The following ST8SIA2 variants were observed in gnomAD, a reference collection of about 807,000 sequenced individuals.
ST8SIA2 encodes alpha-2,8-sialyltransferase 8B.
A neutral mutation model predicts 37.6 loss-of-function variants in ST8SIA2; 22 were observed. That is an observed-to-expected ratio of 0.58 (90% CI 0.42 to 0.83). The LOEUF is 0.83. Among genes scored for constraint, ST8SIA2 ranks in the 40% least tolerant of loss-of-function variants. The pLI is 0.00. For synonymous variants in ST8SIA2, 205 were observed against 201.2 expected (o/e 1.02, Z -0.16); for missense variants, 382 against 484.7 (o/e 0.79, Z 1.99).
chr15:92,463,918 C>T (rs1555454360), intron 5 of ST8SIA2, among the ~76,000 whole-genome samples, 182 bp from the exon 6 acceptor site: 1 of 151,982 alleles, frequency 6.6e-6, no homozygotes, highest in Non-Finnish European at 1.5e-5. Context: ...GGCTAAGGAG[C>T]AGTTCAGTTG....
At chr15:92,398,486 T>C (rs1050726985) in intron 1 of ST8SIA2, among the ~76,000 whole-genome samples, 2 of 152,248 alleles carry the variant, frequency 1.3e-5, no homozygotes, top group African/African-American at 4.8e-5. Flanking sequence ...TACTGAGTGC[T>C]TCCTAAGAGC....
chr15:92,405,077 T>C (rs1450353503), intron 1 of ST8SIA2, among the ~76,000 whole-genome samples: 1 of 148,608 alleles, frequency 6.7e-6, no homozygotes, highest in Non-Finnish European at 1.5e-5. Flanking sequence ...CTGGGCAATA[T>C]AGCAAGACCC....
chr15:92,424,346 C>A (rs2049658857), intron 1 of ST8SIA2, among the ~76,000 whole-genome samples: 1 of 151,880 alleles, frequency 6.6e-6, no homozygotes, highest in African/African-American at 2.4e-5. Context: ...TCATGATGTA[C>A]CCCATAAATA....
At chr15:92,459,413 CTG>C (rs1357649166) in intron 5 of ST8SIA2, among the ~76,000 whole-genome samples, 1 of 152,156 alleles carries the variant, frequency 6.6e-6, no homozygotes, top group Non-Finnish European at 1.5e-5. Flanking sequence ...CCTCAGATGC[CTG>C]TGTTTTATCC....
rs11399611 is a variant in ST8SIA2 at position 92,464,095 on chromosome 15, T to TC, written c.843-3dup. On this transcript the variant is annotated splice_polypyrimidine_tract_variant and splice_region_variant and intron_variant, in intron 5 of 5. Transcript: ENST00000268164. Reference sequence around the variant, plus strand: ...TTCTTTTTTTTTTTTTTTTTTTTTTTCCAGATACTGGCTGACCAACAAAGT... The same window carrying TC: ...TTCTTTTTTTTTTTTTTTTTTTTTTTCCCAGATACTGGCTGACCAACAAAGT... The TC allele has an allele frequency of 3.3e-6, 5 of 1,516,886 alleles. No individual in the cohort carries two copies. The highest frequency in any genetic ancestry group is 1.4e-5 in the African/African-American group (1 of 69,358). 94.0% of individuals were successfully genotyped at this position (1,516,886 alleles called of 1,614,324 possible).
intron 1 of ST8SIA2, among the ~76,000 whole-genome samples, chr15:92,415,824 A>G (rs1271878508): frequency 1.3e-5 from 2 of 152,158 alleles, no homozygotes; most frequent in African/African-American, 4.8e-5. Flanking sequence ...GAAAAATAGA[A>G]CAAGGGATTC....
intron 1 of ST8SIA2, among the ~76,000 whole-genome samples, chr15:92,397,373 G>A (rs1376562921): frequency 6.6e-6 from 1 of 152,078 alleles, no homozygotes; most frequent in African/African-American, 2.4e-5. Context: ...TTTCTTTGAG[G>A]GGAGTTTTCT....
chr15:92,408,644 T>C (rs192752417), intron 1 of ST8SIA2, among the ~76,000 whole-genome samples: 102 of 152,186 alleles, frequency 6.7e-4, no homozygotes, highest in Admixed American at 5.5e-3. Flanking sequence ...CCCTGTGCAA[T>C]TGTCTGATTT....
chr15:92,444,726 C>T lies in ST8SIA2; in HGVS notation c.639C>T (p.Ala213=), dbSNP rs967844752. Residue 213 remains alanine (A), a synonymous_variant, in exon 5 of 6, where the codon GCC becomes GCT. Coordinates refer to ENST00000268164, the MANE Select transcript of ST8SIA2 (RefSeq NM_006011.4). ...TGAACCCCTCGGTCATCCAGCGGGCCTTTGAGGACTTGGTCAATGCCACGT... is the reference window on the plus strand; with the variant it reads ...TGAACCCCTCGGTCATCCAGCGGGCTTTTGAGGACTTGGTCAATGCCACGT... ...VTMNPSVIQR[A]FEDLVNATWR... 3 of 1,614,232 alleles carry T rather than the reference C, an allele frequency of 1.9e-6. No individual in the cohort carries two copies. The African/African-American group carries it at 4.0e-5, about 22-fold the overall frequency.
chr15:92,435,375 CAG>C (rs1391168695), intron 3 of ST8SIA2, among the ~76,000 whole-genome samples: 2 of 152,116 alleles, frequency 1.3e-5, no homozygotes, highest in Non-Finnish European at 2.9e-5. Context: ...CCCACATGCA[CAG>C]AGTCTGTGAT....
chr15:92,435,531 C>T (rs543759994), intron 3 of ST8SIA2, among the ~76,000 whole-genome samples: 19 of 152,264 alleles, frequency 1.2e-4, no homozygotes, highest in Non-Finnish European at 2.2e-4. Flanking sequence ...GAGCAGCCAT[C>T]AGCAATGTCA....
In ST8SIA2 at chr15:92,464,600, T is replaced by C. The variant is rs2049980028; in HGVS notation, c.*215T>C. ...TGGTGTTCATCTAGCATTAGGCAGA[T>C]AGGCCACAGGAAGAAGGTGTGGAGA... On this transcript the variant is annotated 3_prime_UTR_variant, in exon 6 of 6. Transcript: ENST00000268164. 2 of 607,340 alleles carry C rather than the reference T, an allele frequency of 3.3e-6. No homozygotes were observed. Among genetic ancestry groups the C allele is most frequent in the East Asian group, 2.9e-5 (1 of 35,010 alleles). The allele number at this position is 607,340 out of a possible 1,614,324, so 37.6% of individuals were successfully genotyped here.
intron 1 of ST8SIA2, among the ~76,000 whole-genome samples, chr15:92,404,526 G>C (rs1748217605): frequency 6.6e-6 from 1 of 152,072 alleles, no homozygotes; most frequent in Non-Finnish European, 1.5e-5. Flanking sequence ...ATATTCAAAA[G>C]AATTGAAAGC....
chr15:92,458,026 C>T (rs1443788959), intron 5 of ST8SIA2, among the ~76,000 whole-genome samples: 1 of 152,212 alleles, frequency 6.6e-6, no homozygotes, highest in Non-Finnish European at 1.5e-5. Context: ...CCTACATCTT[C>T]CCATTTTTCA....
rs2049982916 is a variant in ST8SIA2, at chr15:92,465,059, G to C, written c.*674G>C. 6.5e-6 allele frequency: 1 copy of C among 152,936 alleles called. No individual in the cohort carries two copies. Among genetic ancestry groups the C allele is most frequent in the South Asian group, 2.1e-4 (1 of 4,822 alleles). 9.5% of individuals were successfully genotyped at this position (152,936 alleles called of 1,614,324 possible). On this transcript the variant is annotated 3_prime_UTR_variant, in exon 6 of 6. Coordinates refer to ENST00000268164, the MANE Select transcript of ST8SIA2 (RefSeq NM_006011.4). ...AGAGAAGGCTGGAGGAGACACAATG[G>C]ATGGTTCATGTTCTGGCTTAGCAAG...
At chr15:92,433,109 G>T (rs1468420886) in intron 2 of ST8SIA2, among the ~76,000 whole-genome samples, 1 of 151,072 alleles carries the variant, frequency 6.6e-6, no homozygotes, top group East Asian at 1.9e-4. Context: ...CAGCCTGGGT[G>T]ACAGAGCCCG....
chr15:92,456,123 C>A (rs2049917726), intron 5 of ST8SIA2, among the ~76,000 whole-genome samples: 1 of 152,256 alleles, frequency 6.6e-6, no homozygotes, highest in African/African-American at 2.4e-5. Flanking sequence ...CCACAGGGGA[C>A]AGAGATGATA....
At chr15:92,434,514 T>C in intron 3 of ST8SIA2, 139 bp downstream of exon 3, 1 of 1,312,926 alleles carries the variant, frequency 7.6e-7, no homozygotes, top group Admixed American at 1.9e-5. Context: ...CATCTGTAAG[T>C]GATCAATCGG....
chr15:92,431,566 G>A (rs1187183129), intron 2 of ST8SIA2, among the ~76,000 whole-genome samples: 1 of 147,312 alleles, frequency 6.8e-6, no homozygotes, highest in East Asian at 1.9e-4. Context: ...TCAGGAGTCG[G>A]GAGGTGAAGC....
Sources: allele counts gnomAD v4.1 joint callset (sites outside exome capture counted in the v4.1 genomes callset), GRCh38; gene constraint gnomAD v4.1.1; transcripts MANE v1.5; gene names NCBI Gene and HGNC (gene_info 2026-07-23, HGNC 2026-07-21).